ELMO1: variants seen among roughly 807,000 people sequenced by gnomAD.
The protein encoded by ELMO1 is engulfment and cell motility protein 1.
ELMO1 carries 26 observed loss-of-function variants against 98.9 expected under a neutral mutation model. That is an observed-to-expected ratio of 0.26 (90% confidence interval 0.19 to 0.36). The LOEUF is 0.36. ELMO1 is among the 10% of genes least tolerant of loss of function. The pLI is 1.00. For missense variants in ELMO1, 627 were observed against 935.2 expected (o/e 0.67, Z 4.30); for synonymous variants, 346 against 346.0 (o/e 1.00, Z 0.00).
chr7:37,265,704 C>T (rs1796205523), intron 5 of ELMO1, among the ~76,000 whole-genome samples: 2 of 152,070 alleles, frequency 1.3e-5, no homozygotes, highest in Admixed American at 6.5e-5. Flanking sequence ...AAACACTTTG[C>T]TCACCTGGCT....
At chr7:37,029,749 T>C (rs1267012782) in intron 15 of ELMO1, among the ~76,000 whole-genome samples, 1 of 152,180 alleles carries the variant, frequency 6.6e-6, no homozygotes, top group East Asian at 1.9e-4. Context: ...CTAATTGGTA[T>C]TCCTACGAAT....
chr7:37,366,924 A>C (rs1801924803), intron 1 of ELMO1, among the ~76,000 whole-genome samples: 1 of 152,244 alleles, frequency 6.6e-6, no homozygotes, highest in Non-Finnish European at 1.5e-5. Context: ...GAATTCTTTG[A>C]GAAAGTAAAC....
intron 1 of ELMO1, among the ~76,000 whole-genome samples, chr7:37,389,357 A>G (rs954938783): frequency 6.6e-6 from 1 of 152,250 alleles, no homozygotes; most frequent in African/African-American, 2.4e-5. Flanking sequence ...TCCTTTATGT[A>G]TGGAAGAAAG....
Position 37,081,387 on chromosome 7 carries a change from G to A in ELMO1, c.1300+15232C>T, listed in dbSNP as rs147558246. Among the ~76,000 whole-genome samples the A allele has an allele frequency of 6.8e-4, 103 of 152,286 alleles. 2 individuals carry two copies. In the East Asian group the frequency reaches 0.018, roughly 27 times the overall value. ...AAAGAATCAGGATATAAAGTAATAT[G>A]CGTATTAGTTCATTTTTATAATAAA... On this transcript the variant is annotated intron_variant, in intron 15 of 21. Coordinates refer to ENST00000310758, the MANE Select transcript of ELMO1 (RefSeq NM_014800.11).
At chr7:36,934,072 G>A (rs1394456356) in intron 16 of ELMO1, among the ~76,000 whole-genome samples, 1 of 152,194 alleles carries the variant, frequency 6.6e-6, no homozygotes, top group Non-Finnish European at 1.5e-5. Context: ...ACCCCTCTGG[G>A]AATGAAGCCA....
chr7:36,975,735 T>A (rs949212221), intron 16 of ELMO1, among the ~76,000 whole-genome samples: 74 of 149,644 alleles, frequency 4.9e-4, no homozygotes, highest in African/African-American at 1.7e-3. Context: ...TAATCCCAGC[T>A]ACTTGGGAGG....
intron 13 of ELMO1, among the ~76,000 whole-genome samples, chr7:37,165,508 C>A (rs1239703717): frequency 6.6e-6 from 1 of 151,996 alleles, no homozygotes; most frequent in Non-Finnish European, 1.5e-5. Context: ...TGAGATATGT[C>A]CCATCAATAC....
intron 16 of ELMO1, among the ~76,000 whole-genome samples, chr7:37,002,636 A>G (rs566190358): frequency 1.4e-4 from 21 of 152,346 alleles, no homozygotes; most frequent in African/African-American, 5.1e-4. Flanking sequence ...AGTGTCTACC[A>G]CAAGCACTGT....
intron 1 of ELMO1, among the ~76,000 whole-genome samples, chr7:37,345,946 G>A (rs1800984901): frequency 6.8e-6 from 1 of 148,012 alleles, no homozygotes; most frequent in Non-Finnish European, 1.5e-5. Context: ...CCGAGATCAT[G>A]CCACTGCACT....
At chr7:37,211,576 A>G in intron 12 of ELMO1, 59 bp from the exon 13 acceptor site, 2 of 1,588,252 alleles carry the variant, frequency 1.3e-6, no homozygotes, top group Non-Finnish European at 1.7e-6. Flanking sequence ...TCATTGTGTG[A>G]CATTACATAT....
chr7:37,155,542 G>C (rs1390483587), intron 13 of ELMO1, among the ~76,000 whole-genome samples: 2 of 138,234 alleles, frequency 1.4e-5, no homozygotes, highest in African/African-American at 5.7e-5. Flanking sequence ...TGATAAAACA[G>C]ACTTTAAACC....
chr7:36,944,571 A>G (rs1313378017), intron 16 of ELMO1, among the ~76,000 whole-genome samples: 2 of 152,220 alleles, frequency 1.3e-5, no homozygotes, highest in East Asian at 3.9e-4. Context: ...ACTGGTGAAT[A>G]TCAAGCTGTA....
chr7:37,274,619 C>G (rs1459958349), intron 4 of ELMO1, among the ~76,000 whole-genome samples: 1 of 152,130 alleles, frequency 6.6e-6, no homozygotes, highest in Non-Finnish European at 1.5e-5. Flanking sequence ...GTGGCACGAT[C>G]TGGGCTCACT....
At chr7:37,167,893 T>G (rs1789835291) in intron 13 of ELMO1, among the ~76,000 whole-genome samples, 1 of 152,078 alleles carries the variant, frequency 6.6e-6, no homozygotes, top group African/African-American at 2.4e-5. Context: ...CCTGCCTTGC[T>G]AGATTGGGGA....
intron 4 of ELMO1, among the ~76,000 whole-genome samples, chr7:37,303,434 T>C (rs1015859709): frequency 7.6e-4 from 115 of 152,156 alleles, no homozygotes; most frequent in African/African-American, 2.7e-3. Flanking sequence ...TTGCCCAACA[T>C]AATCTGATTG....
chr7:37,266,363 T>A (rs1011764599), intron 5 of ELMO1, among the ~76,000 whole-genome samples: 6 of 152,114 alleles, frequency 3.9e-5, no homozygotes, highest in African/African-American at 1.4e-4. Flanking sequence ...CCAGAGGGAA[T>A]AAGACCCAAA....
chr7:37,106,400 A>G (rs914091935), intron 14 of ELMO1, among the ~76,000 whole-genome samples: 1 of 152,092 alleles, frequency 6.6e-6, no homozygotes, highest in East Asian at 1.9e-4. Context: ...CCCTTCTACC[A>G]TGAAAGGACA....
intron 1 of ELMO1, among the ~76,000 whole-genome samples, chr7:37,344,688 C>A (rs1446879489): frequency 6.6e-6 from 1 of 152,104 alleles, no homozygotes; most frequent in East Asian, 1.9e-4. Context: ...CTATTTACAC[C>A]CAGCCTCACC....
rs189905004 is a variant in ELMO1, at chr7:37,014,284, G to A, written c.1301-849C>T. ...ATCTTTACAGTTCCTCTTACCACTC[G>A]TATCTTATGGATGAGGATACTGTGG... On this transcript the variant is annotated intron_variant, in intron 15 of 21. Transcript: ENST00000310758. Among the ~76,000 whole-genome samples the A allele has an allele frequency of 1.8e-3, 276 of 151,822 alleles. 1 individual carries two copies. Among genetic ancestry groups the A allele is most frequent in the African/African-American group, 5.2e-3 (213 of 41,312 alleles).
Sources: gnomAD v4.1 joint callset for allele counts (sites outside exome capture counted in the v4.1 genomes callset) on GRCh38, gnomAD v4.1.1 for gene constraint, MANE v1.5 for transcripts, NCBI Gene and HGNC (gene_info 2026-07-23, HGNC 2026-07-21) for gene names.